Variants in FRRS1 observed in about 807,000 individuals in gnomAD.
The protein encoded by FRRS1 is ferric reductase 1.
FRRS1 carries 51 observed loss-of-function variants against 70.7 expected under a neutral mutation model. The ratio of observed to expected loss-of-function variants is 0.72; its 90% CI spans 0.58 to 0.91. FRRS1 has a LOEUF of 0.91. Among genes scored for constraint, FRRS1 ranks in the 40% least tolerant of loss-of-function variants. FRRS1 has a pLI of 0.00. For synonymous variants in FRRS1, 225 were observed against 238.7 expected, an observed-to-expected ratio of 0.94 and a Z score of 0.53; for missense variants, 672 against 726.0, an observed-to-expected ratio of 0.93 and a Z score of 0.86.
At position 99,748,589 on chromosome 1, in the gene FRRS1, T is replaced by C. The variant is rs766511518; in HGVS notation, c.180A>G (p.Pro60=). ...GCACGGTACCTTCAATCTGATCTCC[T>C]GGCCTGAATGTCATCTGACTCACGT... ...DIYVSQMTFR[P]GDQIEVTLSG... is the part of the protein sequence containing the mutation. Residue 60 remains proline (P), a synonymous_variant, in exon 3 of 17, where the codon CCA becomes CCG. Coordinates refer to ENST00000646001, the MANE Select transcript of FRRS1 (RefSeq NM_001361041.2). 6.8e-6 allele frequency: 11 copies of C among 1,613,776 alleles called. No individual in the cohort carries two copies. The highest frequency in any genetic ancestry group is 5.1e-6 in the Non-Finnish European group (6 of 1,179,772).
chr1:99,747,543 A>G, intron 3 of FRRS1, 113 bp from the exon 4 acceptor site: 1 of 965,462 alleles, frequency 1.0e-6, no homozygotes. Flanking sequence ...GTACTCCTGG[A>G]GAGAAAACAG....
chr1:99,747,156 G>C (rs187505667), intron 4 of FRRS1, 138 bp downstream of exon 4: 1 of 588,650 alleles, frequency 1.7e-6, no homozygotes, highest in African/African-American at 1.9e-5. Context: ...TTATCAGTAA[G>C]GCTTCTGGTC....
intron 1 of FRRS1, among the ~76,000 whole-genome samples, chr1:99,764,936 T>TAAAGA (rs1657280729): frequency 6.6e-6 from 1 of 152,256 alleles, no homozygotes; most frequent in Non-Finnish European, 1.5e-5. Context: ...ATAAATTTTA[T>TAAAGA]CATGTTTTTC....
At chr1:99,757,096 A>T (rs1459116810) in intron 1 of FRRS1, among the ~76,000 whole-genome samples, 8 of 149,506 alleles carry the variant, frequency 5.4e-5, no homozygotes, top group African/African-American at 1.7e-4. Flanking sequence ...TTTTTTTTGC[A>T]ATATATAGTG....
intron 7 of FRRS1, among the ~76,000 whole-genome samples, chr1:99,729,981 A>G (rs1655264805): frequency 6.6e-6 from 1 of 152,208 alleles, no homozygotes; most frequent in African/African-American, 2.4e-5. Flanking sequence ...ATAATAGATT[A>G]AGATAGATAT....
chr1:99,713,686 T>C (rs1271651121), intron 12 of FRRS1, among the ~76,000 whole-genome samples: 1 of 152,236 alleles, frequency 6.6e-6, no homozygotes, highest in East Asian at 1.9e-4. Flanking sequence ...AGTTATTCAT[T>C]CATTCACTAA....
chr1:99,756,090 T>C lies in FRRS1; in HGVS notation c.-105-7089A>G, dbSNP rs553252939. 2.0e-5 allele frequency among the ~76,000 whole-genome samples: 3 copies of C among 152,304 alleles called. No individual in the cohort carries two copies. The South Asian group carries it at 6.2e-4, about 32-fold the overall frequency. ...AATAGGAGTTAGTCATGGAAACATT[T>C]AAGTTAAAATTATCGACTGTCAACA... On this transcript the variant is annotated intron_variant, in intron 1 of 16. Coordinates refer to ENST00000646001, the MANE Select transcript of FRRS1 (RefSeq NM_001361041.2).
At chr1:99,714,823 G>C (rs1485692549) in intron 12 of FRRS1, among the ~76,000 whole-genome samples, 1 of 152,150 alleles carries the variant, frequency 6.6e-6, no homozygotes, top group African/African-American at 2.4e-5. Flanking sequence ...AGATGATCAG[G>C]AGTCCCATTT....
Position 99,747,403 on chromosome 1 carries a change from C to T in FRRS1, c.224G>A (p.Gly75Asp), listed in dbSNP as rs1008368703. The T allele has an allele frequency of 6.2e-7, 1 of 1,612,760 alleles. No homozygotes were observed. The highest frequency in any genetic ancestry group is 1.3e-5 in the African/African-American group (1 of 74,798). The change falls in exon 4 of 17, where the codon GGC becomes GAC. Residue 75 changes from glycine to aspartate, a missense_variant. Gly to Asp is a moderately conservative substitution (Grantham distance 94). Transcript: ENST00000646001. ...AGCATTACGCGCTTCTAGGAGAAAG[C>T]CTTTAAATGGATGCCCTGACAAAGT... ...EVTLSGHPFK[G>D]FLLEARNAED...
chr1:99,730,653 GTC>G (rs1553171742), intron 7 of FRRS1, among the ~76,000 whole-genome samples: 107 of 152,112 alleles, frequency 7.0e-4, no homozygotes, highest in Non-Finnish European at 1.3e-3. Context: ...AGATCACGAG[GTC>G]AGGAGATCCA....
intron 4 of FRRS1, among the ~76,000 whole-genome samples, chr1:99,744,578 G>A (rs12750612): frequency 0.052 from 7,840 of 151,986 alleles, 292 homozygotes; most frequent in South Asian, 0.17. Flanking sequence ...CCTGAGGTCG[G>A]GTGTTCAAGA....
intron 5 of FRRS1, 24 bp from the exon 6 acceptor site, chr1:99,740,964 T>C (rs956579835): frequency 6.2e-7 from 1 of 1,605,284 alleles, no homozygotes; most frequent in Non-Finnish European, 8.5e-7. Flanking sequence ...CCAGTGAGAT[T>C]AGAACCCTAA....
Position 99,717,553 on chromosome 1 carries a change from A to G in FRRS1, c.1121-28T>C. On this transcript the variant is annotated intron_variant, in intron 10 of 16. Coordinates refer to ENST00000646001, the MANE Select transcript of FRRS1 (RefSeq NM_001361041.2). The stretch of plus-strand genomic sequence containing the variant: ...ACAAGTGAGATAAATGCAATAGTAG[A>G]CAATCACAAACGAATCAAGCCATCG... 2.1e-6 allele frequency: 3 copies of G among 1,419,868 alleles called. No homozygotes were observed. The East Asian group carries it at 6.8e-5, about 32-fold the overall frequency. The allele number at this position is 1,419,868 out of a possible 1,614,324, so 88.0% of individuals were successfully genotyped here. A position where few individuals can be genotyped will look rare whatever the true frequency, so the allele number is the denominator to read the frequency against.
intron 7 of FRRS1, among the ~76,000 whole-genome samples, chr1:99,732,848 T>C (rs1365194203): frequency 2.1e-5 from 1 of 47,014 alleles, no homozygotes; most frequent in East Asian, 5.0e-4. Flanking sequence ...GAGACAATTT[T>C]TTTTTTTTTT....
At position 99,748,723 on chromosome 1, in the gene FRRS1, G is replaced by A; in HGVS notation, c.46C>T (p.His16Tyr). ...FTLGTCILLL[H>Y]ISYVANYPNG... ...GGATAATTAGCCACATAACTAATGT[G>A]CAACAGAAGTATGCAGGTACCAAGA... is the stretch of plus-strand genomic sequence containing the variant. The change falls in exon 3 of 17, where the codon CAC becomes TAC. Residue 16 changes from histidine to tyrosine, a missense_variant. Coordinates refer to ENST00000646001, the MANE Select transcript of FRRS1 (RefSeq NM_001361041.2). 6.2e-7 allele frequency: 1 copy of A among 1,614,014 alleles called. No individual in the cohort carries two copies. Among genetic ancestry groups the A allele is most frequent in the East Asian group, 2.2e-5 (1 of 44,854 alleles).
Position 99,715,663 on chromosome 1 carries a change from T to A in FRRS1, c.1246A>T (p.Met416Leu). Residue 416 changes from methionine to leucine, a missense_variant, in exon 12 of 17, where the codon ATG becomes TTG. Coordinates refer to ENST00000646001, the MANE Select transcript of FRRS1 (RefSeq NM_001361041.2). ...GEAAWFQVHR[M>L]LMFTTTVLTC... ...AGGACAGTTGTGGTGAACATGAGCA[T>A]CCGATGCACCTGCAAGGTAAAATGA... 1.3e-5 allele frequency: 21 copies of A among 1,611,322 alleles called. No homozygotes were observed. Among genetic ancestry groups the A allele is most frequent in the Non-Finnish European group, 1.8e-5 (21 of 1,177,536 alleles).
At chr1:99,760,955 G>A (rs1443445009) in intron 1 of FRRS1, among the ~76,000 whole-genome samples, 1 of 152,018 alleles carries the variant, frequency 6.6e-6, no homozygotes, top group Non-Finnish European at 1.5e-5. Context: ...TGGCCAGTAG[G>A]AAAGACTTCT....
chr1:99,743,174 A>G (rs11166321), intron 4 of FRRS1, among the ~76,000 whole-genome samples: 75,206 of 152,088 alleles, frequency 0.49, 22,624 homozygotes, highest in African/African-American at 0.85. Flanking sequence ...CATATTGCAC[A>G]TAAAATTAAG....
At chr1:99,732,672 C>T (rs1305433460) in intron 7 of FRRS1, among the ~76,000 whole-genome samples, 1 of 151,966 alleles carries the variant, frequency 6.6e-6, no homozygotes, top group Admixed American at 6.6e-5. Flanking sequence ...GGTAGTTTTG[C>T]TAGCTAAAAT....
Sources: allele counts gnomAD v4.1 joint callset (sites outside exome capture counted in the v4.1 genomes callset), GRCh38; gene constraint gnomAD v4.1.1; transcripts MANE v1.5; gene names NCBI Gene and HGNC (gene_info 2026-07-23, HGNC 2026-07-21).